Variants in GPHN observed in about 807,000 individuals in gnomAD.
The protein encoded by GPHN is gephyrin.
GPHN carries 17 observed loss-of-function variants against 95.5 expected under a neutral mutation model. That is an observed-to-expected ratio of 0.18 (90% confidence interval 0.12 to 0.27). The LOEUF is 0.27. GPHN is among the 10% of genes least tolerant of loss of function. GPHN has a pLI of 1.00. For synonymous variants in GPHN, 320 were observed against 322.5 expected, an observed-to-expected ratio of 0.99 and a Z score of 0.08; for missense variants, 660 against 978.1, an observed-to-expected ratio of 0.67 and a Z score of 4.34.
At chr14:67,698,761 G>C in the GPHN span, among the ~76,000 whole-genome samples, 3 of 152,208 alleles carry the variant, frequency 2.0e-5, no homozygotes, top group East Asian at 3.9e-4. Context: ...GCAGCTACTC[G>C]ACTCTGCTGT....
intron 8 of GPHN, among the ~76,000 whole-genome samples, chr14:66,953,966 C>T (rs973977838): frequency 2.7e-5 from 4 of 148,950 alleles, no homozygotes; most frequent in Admixed American, 6.8e-5. Flanking sequence ...ACCCAGGAGG[C>T]GGAGGTTGCA....
chr14:67,179,202 T>C (rs2083188574), intron 21 of GPHN, among the ~76,000 whole-genome samples: 1 of 151,794 alleles, frequency 6.6e-6, no homozygotes, highest in African/African-American at 2.4e-5. Flanking sequence ...CTGAGCAACA[T>C]AGCAAGATGC....
At chr14:67,498,979 T>TTTTATTTATTTATTTATTTATTTA in the GPHN span, among the ~76,000 whole-genome samples, 39 of 146,510 alleles carry the variant, frequency 2.7e-4, no homozygotes, top group South Asian at 4.5e-4. Context: ...AAGGCAATGG[T>TTTTATTTATTTATTTATTTATTTA]TTTATTTATT....
At chr14:66,997,675 C>T (rs566250167) in intron 9 of GPHN, among the ~76,000 whole-genome samples, 1 of 152,266 alleles carries the variant, frequency 6.6e-6, no homozygotes, top group African/African-American at 2.4e-5. Context: ...AAACCCATAG[C>T]CTCACAAAGT....
chr14:67,337,583 T>C, the GPHN span: 1 of 151,164 alleles, frequency 6.6e-6, no homozygotes. Flanking sequence ...ACAGTATTAA[T>C]AAAGACAGTG....
At chr14:66,590,138 C>T (rs1452537362) in intron 1 of GPHN, among the ~76,000 whole-genome samples, 2 of 151,992 alleles carry the variant, frequency 1.3e-5, no homozygotes, top group East Asian at 3.9e-4. Flanking sequence ...TGAAAACAGA[C>T]ACAACATAGA....
chr14:67,101,892 A>G (rs1028453052), intron 13 of GPHN, among the ~76,000 whole-genome samples: 1 of 127,520 alleles, frequency 7.8e-6, no homozygotes, highest in Non-Finnish European at 1.6e-5. Flanking sequence ...TTATTTTTGA[A>G]ACGTAGTCTT....
At chr14:67,132,668 CGTTGCTA>C (rs2079794856) in intron 17 of GPHN, among the ~76,000 whole-genome samples, 1 of 151,910 alleles carries the variant, frequency 6.6e-6, no homozygotes, top group Admixed American at 6.6e-5. Context: ...TATCTTTAAG[CGTTGCTA>C]TTGCAGTTGA....
At chr14:66,972,625 A>G (rs1391343588) in intron 9 of GPHN, among the ~76,000 whole-genome samples, 2 of 151,808 alleles carry the variant, frequency 1.3e-5, no homozygotes, top group Non-Finnish European at 2.9e-5. Context: ...CCATTTTGTC[A>G]CATTCAAGGG....
At chr14:66,747,831 A>T (rs886339287) in intron 2 of GPHN, among the ~76,000 whole-genome samples, 1 of 152,096 alleles carries the variant, frequency 6.6e-6, no homozygotes, top group Non-Finnish European at 1.5e-5. Context: ...AAGATATTTC[A>T]TATTTTTGTA....
chr14:66,833,199 G>A (rs895187286), intron 4 of GPHN, among the ~76,000 whole-genome samples: 3 of 152,114 alleles, frequency 2.0e-5, no homozygotes, highest in Admixed American at 2.0e-4. Context: ...TAGGCCTTAG[G>A]AAACTTACAA....
the GPHN span, among the ~76,000 whole-genome samples, chr14:67,496,869 C>G: frequency 2.0e-5 from 3 of 151,688 alleles, no homozygotes; most frequent in East Asian, 5.8e-4. Flanking sequence ...GCAATCTCAG[C>G]TCACTGCAAC....
the GPHN span, among the ~76,000 whole-genome samples, chr14:67,504,293 C>T: frequency 6.6e-6 from 1 of 152,144 alleles, no homozygotes; most frequent in Non-Finnish European, 1.5e-5. Context: ...GGGTTGCAGG[C>T]GTGAGCCACC....
At chr14:67,724,528 G>A in the GPHN span, 1 of 1,613,896 alleles carries the variant, frequency 6.2e-7, no homozygotes, top group Non-Finnish European at 8.5e-7. Flanking sequence ...TGGCAAGGTA[G>A]TGGTGATCAC....
the GPHN span, among the ~76,000 whole-genome samples, chr14:67,246,689 T>A: frequency 7.3e-6 from 1 of 137,224 alleles, no homozygotes; most frequent in African/African-American, 2.7e-5. Flanking sequence ...TCTTGCTCTC[T>A]CGCCAGGCTG....
chr14:66,981,478 AT>A (rs992297538), intron 9 of GPHN, among the ~76,000 whole-genome samples: 9 of 152,176 alleles, frequency 5.9e-5, no homozygotes, highest in African/African-American at 2.2e-4. Context: ...TAAAAAAAAA[AT>A]CTCTTTCTCC....
chr14:67,193,338 A>ATATCTATATATC, the GPHN span, among the ~76,000 whole-genome samples: 1 of 138,068 alleles, frequency 7.2e-6, no homozygotes, highest in African/African-American at 2.6e-5. Context: ...CTCTATATAG[A>ATATCTATATATC]TATCTATCTA....
intron 6 of GPHN, among the ~76,000 whole-genome samples, chr14:66,920,055 G>A (rs903288255): frequency 1.3e-5 from 2 of 152,098 alleles, no homozygotes; most frequent in African/African-American, 4.8e-5. Flanking sequence ...GACAGAATGA[G>A]ACTCCGTCTC....
At chr14:66,999,527 C>T (rs1456888774) in intron 9 of GPHN, among the ~76,000 whole-genome samples, 1 of 151,428 alleles carries the variant, frequency 6.6e-6, no homozygotes, top group African/African-American at 2.4e-5. Context: ...CCTCCTATGC[C>T]TTATTTAATT....
Sources: gnomAD v4.1 joint callset for allele counts (sites outside exome capture counted in the v4.1 genomes callset) on GRCh38, gnomAD v4.1.1 for gene constraint, MANE v1.5 for transcripts, NCBI Gene and HGNC (gene_info 2026-07-23, HGNC 2026-07-21) for gene names.